The following PCCA variants were observed in gnomAD, a reference collection of about 807,000 sequenced individuals.
The protein encoded by PCCA is propionyl-CoA carboxylase alpha chain, mitochondrial.
A neutral mutation model predicts 101.3 loss-of-function variants in PCCA; 74 were observed. The ratio of observed to expected loss-of-function variants is 0.73; its 90% CI spans 0.61 to 0.89. The LOEUF is 0.89. PCCA is among the 40% of genes least tolerant of loss of function. The pLI, the probability that PCCA is intolerant of heterozygous loss-of-function variation, is 0.00. For missense variants in PCCA, 891 were observed against 907.0 expected, an observed-to-expected ratio of 0.98 and a Z score of 0.23; for synonymous variants, 294 against 313.6, an observed-to-expected ratio of 0.94 and a Z score of 0.66.
At chr13:100,455,268 A>T (rs1350913654) in intron 21 of PCCA, among the ~76,000 whole-genome samples, 6 of 152,344 alleles carry the variant, frequency 3.9e-5, no homozygotes, top group Middle Eastern at 3.4e-3. Flanking sequence ...AAGAGTTTTT[A>T]AAAACGTAAC....
chr13:100,362,794 C>T (rs1017462418), intron 18 of PCCA, among the ~76,000 whole-genome samples: 6 of 152,172 alleles, frequency 3.9e-5, no homozygotes, highest in African/African-American at 1.4e-4. Context: ...TTCCCTGTTT[C>T]TCAGCATGAT....
At chr13:100,173,271 C>T (rs745604261) in intron 6 of PCCA, among the ~76,000 whole-genome samples, 5 of 152,130 alleles carry the variant, frequency 3.3e-5, no homozygotes, top group African/African-American at 9.7e-5. Flanking sequence ...TGAGTTGGTA[C>T]GGGCAGCCAT....
chr13:100,419,345 G>A (rs1014749177), intron 19 of PCCA, among the ~76,000 whole-genome samples: 27 of 151,996 alleles, frequency 1.8e-4, no homozygotes, highest in Non-Finnish European at 3.1e-4. Context: ...GGTGGTGGGC[G>A]CCTGTAATCC....
At chr13:100,219,808 C>T (rs945267297) in intron 7 of PCCA, among the ~76,000 whole-genome samples, 1 of 152,132 alleles carries the variant, frequency 6.6e-6, no homozygotes, top group African/African-American at 2.4e-5. Flanking sequence ...ATTATTTTTC[C>T]ATTGTAATTT....
intron 19 of PCCA, among the ~76,000 whole-genome samples, chr13:100,378,386 G>T (rs999028081): frequency 6.6e-5 from 10 of 152,148 alleles, no homozygotes; most frequent in Non-Finnish European, 8.8e-5. Context: ...TAGATAGTTT[G>T]ACTATAATGT....
At chr13:100,342,240 C>T (rs2071480225) in intron 18 of PCCA, among the ~76,000 whole-genome samples, 1 of 152,036 alleles carries the variant, frequency 6.6e-6, no homozygotes, top group South Asian at 2.1e-4. Context: ...TACAAACACA[C>T]ATATACACTT....
chr13:100,402,031 T>C (rs1466524572), intron 19 of PCCA, among the ~76,000 whole-genome samples: 1 of 152,200 alleles, frequency 6.6e-6, no homozygotes, highest in East Asian at 1.9e-4. Flanking sequence ...GGTGATGAGA[T>C]GTTTACCTCT....
chr13:100,235,252 C>G (rs898350758), intron 7 of PCCA, among the ~76,000 whole-genome samples: 19 of 96,840 alleles, frequency 2.0e-4, no homozygotes, highest in African/African-American at 7.3e-4. Context: ...TAACAAGATA[C>G]AATTGTAGAG....
chr13:100,399,958 T>A (rs2077238217), intron 19 of PCCA, among the ~76,000 whole-genome samples: 1 of 152,204 alleles, frequency 6.6e-6, no homozygotes, highest in African/African-American at 2.4e-5. Context: ...TTAATGAATA[T>A]TGAATTAATT....
intron 22 of PCCA, among the ~76,000 whole-genome samples, chr13:100,526,817 A>T (rs891214136): frequency 2.6e-5 from 4 of 152,286 alleles, no homozygotes; most frequent in Admixed American, 2.6e-4. Flanking sequence ...GCTTAACGCC[A>T]GTGGGCTTAA....
chr13:100,418,083 C>T (rs1331557613), intron 19 of PCCA, among the ~76,000 whole-genome samples: 3 of 152,184 alleles, frequency 2.0e-5, no homozygotes, highest in African/African-American at 7.2e-5. Context: ...TATTTTCTCT[C>T]CATCCACAGA....
chr13:100,416,539 TGTA>T (rs2078377105), intron 19 of PCCA, among the ~76,000 whole-genome samples: 1 of 150,834 alleles, frequency 6.6e-6, no homozygotes, highest in Admixed American at 6.6e-5. Flanking sequence ...TGTGTGTGTA[TGTA>T]TTTTTTTTTT....
chr13:100,284,410 C>G (rs567673192), intron 12 of PCCA, among the ~76,000 whole-genome samples: 20 of 152,268 alleles, frequency 1.3e-4, no homozygotes, highest in African/African-American at 4.3e-4. Context: ...AAATGCCTGC[C>G]CAGTCCAAAT....
At chr13:100,210,567 A>G (rs1345714053) in intron 7 of PCCA, among the ~76,000 whole-genome samples, 1 of 152,230 alleles carries the variant, frequency 6.6e-6, no homozygotes, top group African/African-American at 2.4e-5. Context: ...TATATTGCAA[A>G]CATTTAGCAA....
chr13:100,231,712 T>C (rs2060481166), intron 7 of PCCA, among the ~76,000 whole-genome samples: 1 of 152,206 alleles, frequency 6.6e-6, no homozygotes. Flanking sequence ...CCTACAACTT[T>C]TAATCCTACC....
At chr13:100,258,766 TA>T (rs2062246699) in intron 9 of PCCA, among the ~76,000 whole-genome samples, 1 of 152,214 alleles carries the variant, frequency 6.6e-6, no homozygotes, top group South Asian at 2.1e-4. Context: ...CATCATTTTG[TA>T]AATAATTTAG....
chr13:100,089,854 C>G (rs1260619239), intron 1 of PCCA, among the ~76,000 whole-genome samples: 1 of 152,176 alleles, frequency 6.6e-6, no homozygotes, highest in African/African-American at 2.4e-5. Context: ...TGGCACTGTT[C>G]TAAACACATT....
At position 100,527,279 on chromosome 13, in the gene PCCA, T is replaced by G. The variant is rs1439256730; in HGVS notation, c.2041-396T>G. 1.1e-5 allele frequency: 5 copies of G among 473,456 alleles called. No individual in the cohort carries two copies. The East Asian group carries it at 3.4e-4, about 32-fold the overall frequency. The allele number at this position is 473,456 out of a possible 1,614,324, so 29.3% of individuals were successfully genotyped here. On this transcript the variant is annotated intron_variant, in intron 22 of 23. Coordinates refer to ENST00000376285, the MANE Select transcript of PCCA (RefSeq NM_000282.4). ...CTGTACCCTTCAGCAGTGACTCCCC[T>G]TCCCTCTTCAACCCCAGGCAACCTC...
At chr13:100,113,426 G>A (rs891406028) in intron 4 of PCCA, among the ~76,000 whole-genome samples, 10 of 152,228 alleles carry the variant, frequency 6.6e-5, no homozygotes, top group African/African-American at 9.6e-5. Context: ...GGACATTACC[G>A]TCACTACTAT....
Sources: allele counts gnomAD v4.1 joint callset (sites outside exome capture counted in the v4.1 genomes callset), GRCh38; gene constraint gnomAD v4.1.1; transcripts MANE v1.5; gene names NCBI Gene and HGNC (gene_info 2026-07-23, HGNC 2026-07-21).